The following DLGAP1 variants were observed in gnomAD, a reference collection of about 807,000 sequenced individuals.
The protein encoded by DLGAP1 is disks large-associated protein 1.
In DLGAP1, 11 loss-of-function variants were observed where a neutral mutation model predicts 90.8. That is an observed-to-expected ratio of 0.12 (90% CI 0.08 to 0.20). The LOEUF (loss-of-function observed/expected upper bound fraction) is 0.20, where lower values mean the gene tolerates loss of function less well. Among genes scored for constraint, DLGAP1 ranks in the 10% least tolerant of loss-of-function variants. DLGAP1 has a pLI of 1.00. For synonymous variants in DLGAP1, 558 were observed against 540.7 expected, an observed-to-expected ratio of 1.03 and a Z score of -0.44; for missense variants, 1,050 against 1,333.8, an observed-to-expected ratio of 0.79 and a Z score of 3.31.
At chr18:3,614,712 G>A (rs1013360796) in intron 7 of DLGAP1, among the ~76,000 whole-genome samples, 1 of 137,834 alleles carries the variant, frequency 7.3e-6, no homozygotes, top group Non-Finnish European at 1.5e-5. Flanking sequence ...AGAGCCAGGC[G>A]TGGTGGTGCA....
At chr18:3,765,093 A>T (rs1380735644) in intron 5 of DLGAP1, among the ~76,000 whole-genome samples, 1 of 149,366 alleles carries the variant, frequency 6.7e-6, no homozygotes, top group Non-Finnish European at 1.5e-5. Context: ...TGGAAGGCTC[A>T]GAATCTCCAT....
intron 1 of DLGAP1, among the ~76,000 whole-genome samples, chr18:4,272,786 C>G (rs2079314791): frequency 1.3e-5 from 2 of 152,162 alleles, no homozygotes; most frequent in Non-Finnish European, 2.9e-5. Context: ...TGAATGTGAC[C>G]TTGTTTGGAA....
chr18:4,130,308 A>C (rs1196119122), intron 2 of DLGAP1, among the ~76,000 whole-genome samples: 1 of 152,156 alleles, frequency 6.6e-6, no homozygotes, highest in Non-Finnish European at 1.5e-5. Context: ...ATATTACCTC[A>C]AGTGAAGAAA....
chr18:4,130,914 G>A (rs1363139534), intron 2 of DLGAP1, among the ~76,000 whole-genome samples: 1 of 152,062 alleles, frequency 6.6e-6, no homozygotes, highest in Non-Finnish European at 1.5e-5. Context: ...TGATTGGCGA[G>A]GATGTGGCCA....
chr18:3,800,215 C>T (rs561081070), intron 5 of DLGAP1, among the ~76,000 whole-genome samples: 13 of 152,286 alleles, frequency 8.5e-5, no homozygotes, highest in African/African-American at 2.9e-4. Context: ...TGATTAAGTG[C>T]TTTGAGATGC....
intron 7 of DLGAP1, among the ~76,000 whole-genome samples, chr18:3,587,101 C>T (rs546873589): frequency 6.6e-6 from 1 of 152,320 alleles, no homozygotes; most frequent in Admixed American, 6.5e-5. Flanking sequence ...GCTCTTGTCG[C>T]CCAGGTGCAA....
intron 1 of DLGAP1, among the ~76,000 whole-genome samples, chr18:4,177,379 C>T (rs1163531369): frequency 6.6e-6 from 1 of 151,864 alleles, no homozygotes; most frequent in African/African-American, 2.4e-5. Flanking sequence ...CACACACACA[C>T]ACACACACAC....
At chr18:3,537,632 G>A (rs2052451438) in intron 9 of DLGAP1, among the ~76,000 whole-genome samples, 1 of 152,092 alleles carries the variant, frequency 6.6e-6, no homozygotes, top group Non-Finnish European at 1.5e-5. Flanking sequence ...ATATCCCGAG[G>A]TAGAACTACT....
At chr18:4,423,836 A>G (rs67503028) in intron 1 of DLGAP1, among the ~76,000 whole-genome samples, 13,724 of 139,098 alleles carry the variant, frequency 0.099, 856 homozygotes, top group African/African-American at 0.19. Flanking sequence ...GTTAAGTGGA[A>G]AGTGCCCAGG....
intron 3 of DLGAP1, among the ~76,000 whole-genome samples, chr18:3,919,904 C>T (rs1035687560): frequency 6.6e-6 from 1 of 152,174 alleles, no homozygotes; most frequent in Non-Finnish European, 1.5e-5. Context: ...GAACACATAG[C>T]ACTGTGAAAC....
intron 2 of DLGAP1, among the ~76,000 whole-genome samples, chr18:4,070,529 G>GA (rs2075432281): frequency 2.0e-5 from 2 of 98,906 alleles, no homozygotes; most frequent in East Asian, 3.2e-4. Flanking sequence ...TTTTGCATAA[G>GA]GTTTTCCCAT....
At chr18:4,298,023 G>A (rs1257273208) in intron 1 of DLGAP1, among the ~76,000 whole-genome samples, 2 of 152,006 alleles carry the variant, frequency 1.3e-5, no homozygotes, top group East Asian at 1.9e-4. Flanking sequence ...TCTCTGCCCC[G>A]GACTCTGGTG....
At chr18:4,437,247 A>G (rs1567921974) in intron 1 of DLGAP1, among the ~76,000 whole-genome samples, 1 of 152,216 alleles carries the variant, frequency 6.6e-6, no homozygotes, top group East Asian at 1.9e-4. Flanking sequence ...GCCTCACAAC[A>G]TACTAGCCAA....
chr18:4,234,103 A>ATT (rs200080373), intron 1 of DLGAP1, among the ~76,000 whole-genome samples: 2,487 of 138,742 alleles, frequency 0.018, 27 homozygotes, highest in Non-Finnish European at 0.025. Flanking sequence ...CTTTTTTGCT[A>ATT]TTTTTTTTTT....
At chr18:3,797,351 A>C (rs547661255) in intron 5 of DLGAP1, among the ~76,000 whole-genome samples, 1 of 151,158 alleles carries the variant, frequency 6.6e-6, no homozygotes, top group South Asian at 2.1e-4. Context: ...GAAGAAGAAC[A>C]CTCAAGAGCT....
intron 1 of DLGAP1, among the ~76,000 whole-genome samples, chr18:4,406,044 T>A (rs1369495543): frequency 6.6e-6 from 1 of 152,204 alleles, no homozygotes; most frequent in African/African-American, 2.4e-5. Flanking sequence ...GTTACTTGGT[T>A]TACGCCCTAT....
intron 7 of DLGAP1, among the ~76,000 whole-genome samples, chr18:3,588,779 CAAA>C (rs11449545): frequency 2.2e-5 from 3 of 135,058 alleles, no homozygotes; most frequent in Non-Finnish European, 3.1e-5. Flanking sequence ...GACTCCATCT[CAAA>C]AAAAAAAAAA....
intron 3 of DLGAP1, among the ~76,000 whole-genome samples, chr18:3,970,039 T>G: frequency 6.6e-6 from 1 of 152,144 alleles, no homozygotes; most frequent in East Asian, 1.9e-4. Flanking sequence ...AGTGGTAAGT[T>G]TGATTAATGT....
At chr18:4,052,513 G>T (rs1441151352) in intron 2 of DLGAP1, among the ~76,000 whole-genome samples, 2 of 152,072 alleles carry the variant, frequency 1.3e-5, no homozygotes, top group Non-Finnish European at 2.9e-5. Flanking sequence ...CACAGCATGG[G>T]GGGCCCTGGA....
Sources: allele counts gnomAD v4.1 joint callset (sites outside exome capture counted in the v4.1 genomes callset), GRCh38; gene constraint gnomAD v4.1.1; transcripts MANE v1.5; gene names NCBI Gene and HGNC (gene_info 2026-07-23, HGNC 2026-07-21).